Variants in TTC28 observed in about 807,000 individuals in gnomAD.
The protein encoded by TTC28 is tetratricopeptide repeat domain 28, also known as tetratricopeptide repeat protein 28.
Under a neutral mutation model 198.0 loss-of-function variants are expected in TTC28, and 61 were observed. The ratio of observed to expected loss-of-function variants is 0.31; its 90% CI spans 0.25 to 0.38. The LOEUF is 0.38. Among genes scored for constraint, TTC28 ranks in the 10% least tolerant of loss-of-function variants. TTC28 has a pLI of 1.00. For synonymous variants in TTC28, 1,171 were observed against 1,297.8 expected (o/e 0.90, Z 2.10); for missense variants, 2,678 against 3,164.0 (o/e 0.85, Z 3.69).
intron 2 of TTC28, among the ~76,000 whole-genome samples, chr22:28,607,709 A>G (rs769794189): frequency 4.6e-5 from 7 of 152,134 alleles, no homozygotes; most frequent in Non-Finnish European, 8.8e-5. Context: ...ATCTCCCTGA[A>G]TCTTACTTTA....
intron 2 of TTC28, among the ~76,000 whole-genome samples, chr22:28,410,176 C>T (rs1343864238): frequency 6.6e-6 from 1 of 152,194 alleles, no homozygotes; most frequent in East Asian, 1.9e-4. Context: ...CCCACCTCGG[C>T]TTCTCAAAGT....
At chr22:28,159,643 A>C (rs1002743145) in intron 6 of TTC28, among the ~76,000 whole-genome samples, 2 of 149,206 alleles carry the variant, frequency 1.3e-5, no homozygotes, top group Non-Finnish European at 3.0e-5. Flanking sequence ...TGGGTGACAA[A>C]GTGAGACTCT....
intron 5 of TTC28, among the ~76,000 whole-genome samples, chr22:28,237,995 T>C (rs1392938728): frequency 6.6e-6 from 1 of 152,204 alleles, no homozygotes; most frequent in Non-Finnish European, 1.5e-5. Flanking sequence ...TTCCTCTTTA[T>C]GTAATGTAGT....
chr22:28,364,078 G>C (rs538970827), intron 2 of TTC28, among the ~76,000 whole-genome samples: 2 of 152,284 alleles, frequency 1.3e-5, no homozygotes, highest in African/African-American at 4.8e-5. Context: ...GGAGGAATCA[G>C]GGGCAGAATT....
intron 2 of TTC28, among the ~76,000 whole-genome samples, chr22:28,405,275 C>T (rs1049541569): frequency 3.9e-5 from 6 of 152,066 alleles, no homozygotes; most frequent in Non-Finnish European, 5.9e-5. Context: ...ATTATGATTG[C>T]ATTAAAAATA....
At chr22:28,625,446 T>A (rs1203377237) in intron 2 of TTC28, among the ~76,000 whole-genome samples, 1 of 152,178 alleles carries the variant, frequency 6.6e-6, no homozygotes, top group Admixed American at 6.5e-5. Flanking sequence ...ATTCCATTTA[T>A]AATAGTATCA....
At chr22:28,562,197 T>C (rs946211346) in intron 2 of TTC28, among the ~76,000 whole-genome samples, 1 of 152,204 alleles carries the variant, frequency 6.6e-6, no homozygotes, top group African/African-American at 2.4e-5. Flanking sequence ...ATGTAGTACA[T>C]GGAGAAGAGA....
At chr22:28,282,014 T>A (rs904450815) in intron 5 of TTC28, among the ~76,000 whole-genome samples, 3 of 152,208 alleles carry the variant, frequency 2.0e-5, no homozygotes, top group Non-Finnish European at 2.9e-5. Flanking sequence ...AGTTTCTATA[T>A]AATTTTAGTA....
rs66590909 is a variant in TTC28 at position 28,257,739 on chromosome 22, CATATATATATATATATATATATATAT to C, written c.933+38433_933+38458del. The stretch of plus-strand genomic sequence containing the variant: ...TTACCATCTTTAGATGGTAATAGAA[CATATATATATATATATATATATATAT>C]ATATATATATATATATCTTCTACTT... On this transcript the variant is annotated intron_variant, in intron 5 of 22. Coordinates refer to ENST00000397906, the MANE Select transcript of TTC28 (RefSeq NM_001145418.2). Among the ~76,000 whole-genome samples the C allele has an allele frequency of 7.0e-4, 68 of 96,574 alleles. 1 individual carries two copies. The highest frequency in any genetic ancestry group is 5.0e-3 in the Middle Eastern group (1 of 200). 63.4% of individuals were successfully genotyped at this position (96,574 alleles called of 152,430 possible).
intron 5 of TTC28, among the ~76,000 whole-genome samples, chr22:28,199,501 C>T (rs917959020): frequency 7.2e-6 from 1 of 138,798 alleles, no homozygotes; most frequent in African/African-American, 2.6e-5. Context: ...GAGCAAGACT[C>T]TGTCTCTTCA....
intron 5 of TTC28, among the ~76,000 whole-genome samples, chr22:28,210,117 ACACCAAAACCCCATCTATATGTCACCAT>A (rs1473665469): frequency 3.9e-5 from 6 of 152,216 alleles, no homozygotes; most frequent in African/African-American, 1.4e-4. Flanking sequence ...AAGGACATCC[ACACCAAAACCCCATCTATATGTCACCAT>A]CACCAAAGAC....
chr22:28,581,418 C>T (rs528448200), intron 2 of TTC28, among the ~76,000 whole-genome samples: 25 of 152,240 alleles, frequency 1.6e-4, no homozygotes, highest in African/African-American at 6.0e-4. Flanking sequence ...ATAATACACC[C>T]TATAATGTCA....
chr22:28,370,467 C>G (rs914104107), intron 2 of TTC28, among the ~76,000 whole-genome samples: 1 of 152,158 alleles, frequency 6.6e-6, no homozygotes, highest in Non-Finnish European at 1.5e-5. Context: ...TGACATAATA[C>G]CCATTTTGAT....
chr22:28,030,419 T>C (rs1382400671), intron 12 of TTC28, 53 bp from the exon 13 acceptor site: 3 of 1,545,384 alleles, frequency 1.9e-6, no homozygotes, highest in Non-Finnish European at 8.7e-7. Context: ...CGCTGAGCTA[T>C]GGAAGTCAGC....
intron 1 of TTC28, among the ~76,000 whole-genome samples, chr22:28,644,894 C>T (rs935104650): frequency 3.3e-5 from 5 of 151,932 alleles, no homozygotes; most frequent in African/African-American, 1.2e-4. Flanking sequence ...CCCTGTAATC[C>T]CAACACTTTG....
intron 5 of TTC28, among the ~76,000 whole-genome samples, chr22:28,205,946 T>A (rs993803065): frequency 2.6e-5 from 4 of 151,740 alleles, no homozygotes; most frequent in Non-Finnish European, 5.9e-5. Flanking sequence ...CAGAAAAGGC[T>A]TATTACAGGC....
intron 1 of TTC28, among the ~76,000 whole-genome samples, chr22:28,644,971 CCA>C (rs2051434527): frequency 1.3e-5 from 2 of 151,754 alleles, no homozygotes; most frequent in Non-Finnish European, 2.9e-5. Context: ...CAGTGAAACC[CCA>C]TCTCTACTAA....
Position 28,379,174 on chromosome 22 carries a change from T to A in TTC28, c.382-72531A>T, listed in dbSNP as rs750259422. The stretch of plus-strand genomic sequence containing the variant: ...TTTTCAAACATCTAAGCAAAAAAAA[T>A]ATATAATTTCAGACATATAAAAGCT... On this transcript the variant is annotated intron_variant, in intron 2 of 22. Transcript: ENST00000397906. 3.3e-5 allele frequency among the ~76,000 whole-genome samples: 5 copies of A among 152,110 alleles called. 1 individual carries two copies. In the South Asian group the frequency reaches 6.2e-4, roughly 19 times the overall value.
intron 2 of TTC28, among the ~76,000 whole-genome samples, chr22:28,587,010 C>T (rs1260220071): frequency 2.6e-5 from 4 of 152,016 alleles, no homozygotes. Flanking sequence ...TCACTTGAGG[C>T]CAGGAGTTCA....
Sources: gnomAD v4.1 joint callset for allele counts (sites outside exome capture counted in the v4.1 genomes callset) on GRCh38, gnomAD v4.1.1 for gene constraint, MANE v1.5 for transcripts, NCBI Gene and HGNC (gene_info 2026-07-23, HGNC 2026-07-21) for gene names.